Variants in GALNTL6 observed in about 807,000 individuals in gnomAD.
GALNTL6 encodes the protein polypeptide N-acetylgalactosaminyltransferase like 6.
A neutral mutation model predicts 73.7 loss-of-function variants in GALNTL6; 46 were observed. The observed-to-expected ratio is 0.62, with a 90% CI of 0.49 to 0.80. The LOEUF (loss-of-function observed/expected upper bound fraction) is 0.80. Among genes scored for constraint, GALNTL6 ranks in the 30% least tolerant of loss-of-function variants. The probability of loss-of-function intolerance (pLI) is 0.00; values close to 1 mark genes in which losing one functional copy is unlikely to be tolerated. For synonymous variants in GALNTL6, 259 were observed against 263.7 expected (o/e 0.98, Z 0.17); for missense variants, 604 against 755.0 (o/e 0.80, Z 2.34).
At chr4:172,112,912 G>T (rs922445895) in intron 2 of GALNTL6, among the ~76,000 whole-genome samples, 7 of 151,782 alleles carry the variant, frequency 4.6e-5, no homozygotes, top group Admixed American at 2.6e-4. Flanking sequence ...CAAATTTTCT[G>T]ATGTCTTTGA....
chr4:172,234,710 GGCAT>G (rs1219237100), intron 3 of GALNTL6, among the ~76,000 whole-genome samples: 18 of 151,802 alleles, frequency 1.2e-4, no homozygotes. Flanking sequence ...TATTTTGTTT[GGCAT>G]TTTCAAATCT....
intron 2 of GALNTL6, among the ~76,000 whole-genome samples, chr4:172,085,153 C>T (rs1020341233): frequency 1.3e-5 from 2 of 151,922 alleles, no homozygotes; most frequent in Non-Finnish European, 2.9e-5. Flanking sequence ...TGATTAAGTA[C>T]AAATCATAGG....
chr4:172,136,402 A>G (rs1194270791), intron 2 of GALNTL6, among the ~76,000 whole-genome samples: 1 of 151,892 alleles, frequency 6.6e-6, no homozygotes, highest in Non-Finnish European at 1.5e-5. Context: ...ACTCTGTTCA[A>G]TTTTTTAAAA....
chr4:172,080,555 A>C (rs1731848633), intron 2 of GALNTL6, among the ~76,000 whole-genome samples: 1 of 152,162 alleles, frequency 6.6e-6, no homozygotes, highest in South Asian at 2.1e-4. Flanking sequence ...TTTAGAAATA[A>C]TTCCCACAAA....
chr4:172,425,299 C>T (rs551784391), intron 5 of GALNTL6: 5 of 152,110 alleles, frequency 3.3e-5, no homozygotes, highest in African/African-American at 1.2e-4. Flanking sequence ...TGGAAATCAA[C>T]AAGCTGAAAA....
intron 9 of GALNTL6, among the ~76,000 whole-genome samples, chr4:172,947,238 A>G (rs1181132689): frequency 6.6e-6 from 1 of 152,040 alleles, no homozygotes; most frequent in Non-Finnish European, 1.5e-5. Flanking sequence ...GAGGGAAAAT[A>G]CCTGTGCACC....
intron 5 of GALNTL6, among the ~76,000 whole-genome samples, chr4:172,683,766 A>G (rs1482548119): frequency 2.0e-5 from 3 of 152,234 alleles, no homozygotes; most frequent in Non-Finnish European, 4.4e-5. Flanking sequence ...GTGAGATACT[A>G]TTCACAACTA....
At chr4:172,955,645 A>G (rs1749702710) in intron 10 of GALNTL6, among the ~76,000 whole-genome samples, 1 of 152,084 alleles carries the variant, frequency 6.6e-6, no homozygotes, top group African/African-American at 2.4e-5. Flanking sequence ...TAATGTTAAC[A>G]TTTTATATTT....
intron 3 of GALNTL6, among the ~76,000 whole-genome samples, chr4:172,247,222 G>A (rs1418853952): frequency 6.6e-6 from 1 of 152,068 alleles, no homozygotes; most frequent in East Asian, 1.9e-4. Context: ...ACTGACAATT[G>A]ATGTTTGACA....
intron 9 of GALNTL6, among the ~76,000 whole-genome samples, chr4:172,941,552 T>C (rs1188064468): frequency 1.3e-5 from 2 of 152,220 alleles, no homozygotes; most frequent in African/African-American, 4.8e-5. Flanking sequence ...ACAAACTACA[T>C]GGTGAGACCA....
intron 7 of GALNTL6, among the ~76,000 whole-genome samples, chr4:172,833,729 A>T (rs1001613498): frequency 6.6e-6 from 1 of 152,230 alleles, no homozygotes; most frequent in Admixed American, 6.5e-5. Flanking sequence ...GCATTTCTTG[A>T]TATCTTGGAG....
intron 3 of GALNTL6, among the ~76,000 whole-genome samples, chr4:172,308,036 G>A (rs1173407485): frequency 2.3e-4 from 7 of 31,070 alleles, no homozygotes; most frequent in Admixed American, 5.8e-4. Flanking sequence ...TTTTTTTTAC[G>A]GCTCTTGTAA....
chr4:171,967,455 T>TTTTTTTGTTTTG (rs1553976688), intron 2 of GALNTL6, among the ~76,000 whole-genome samples: 1 of 146,722 alleles, frequency 6.8e-6, no homozygotes, highest in African/African-American at 2.5e-5. Context: ...GGGTTTTTTT[T>TTTTTTTGTTTTG]TTTTTTTTTT....
intron 5 of GALNTL6, among the ~76,000 whole-genome samples, chr4:172,482,992 T>C (rs1050317132): frequency 8.5e-6 from 1 of 118,050 alleles, no homozygotes; most frequent in African/African-American, 2.8e-5. Flanking sequence ...TTTCGTAGGA[T>C]TAAATGAGTT....
At chr4:172,119,052 T>A (rs1224244441) in intron 2 of GALNTL6, among the ~76,000 whole-genome samples, 1 of 152,008 alleles carries the variant, frequency 6.6e-6, no homozygotes, top group East Asian at 1.9e-4. Flanking sequence ...TTAATAAAAA[T>A]CGTGTTATGA....
At chr4:171,977,239 A>G (rs1173430682) in intron 2 of GALNTL6, among the ~76,000 whole-genome samples, 1 of 152,212 alleles carries the variant, frequency 6.6e-6, no homozygotes, top group Non-Finnish European at 1.5e-5. Flanking sequence ...TTTATTATCC[A>G]AAAATGAAAA....
At chr4:172,761,676 T>TCTCC (rs1738110672) in intron 5 of GALNTL6, among the ~76,000 whole-genome samples, 1 of 151,098 alleles carries the variant, frequency 6.6e-6, no homozygotes, top group Admixed American at 6.6e-5. Context: ...TCTTTCTCTC[T>TCTCC]CTCTCTCTCT....
At chr4:172,468,275 T>C (rs917552825) in intron 5 of GALNTL6, among the ~76,000 whole-genome samples, 4 of 152,198 alleles carry the variant, frequency 2.6e-5, no homozygotes, top group Non-Finnish European at 4.4e-5. Context: ...TTTTAAAAAC[T>C]ATCTATGAAA....
intron 2 of GALNTL6, among the ~76,000 whole-genome samples, chr4:172,087,172 A>G (rs542694528): frequency 3.7e-4 from 57 of 152,314 alleles, no homozygotes; most frequent in African/African-American, 1.2e-3. Context: ...GGCCGGGCGC[A>G]GTGGCTCACG....
Sources: gnomAD v4.1 joint callset for allele counts (sites outside exome capture counted in the v4.1 genomes callset) on GRCh38, gnomAD v4.1.1 for gene constraint, MANE v1.5 for transcripts, NCBI Gene and HGNC (gene_info 2026-07-23, HGNC 2026-07-21) for gene names.